CD46: variants seen among roughly 807,000 people sequenced by gnomAD.
The protein encoded by CD46 is CD46 molecule.
In CD46, 30 loss-of-function variants were observed where a neutral mutation model predicts 53.3. The observed-to-expected ratio is 0.56, with a 90% CI of 0.42 to 0.76. CD46 has a LOEUF of 0.76. Among genes scored for constraint, CD46 ranks in the 30% least tolerant of loss-of-function variants. The pLI is 0.00. For synonymous variants in CD46, 142 were observed against 152.0 expected, an observed-to-expected ratio of 0.93 and a Z score of 0.48; for missense variants, 409 against 463.0, an observed-to-expected ratio of 0.88 and a Z score of 1.07.
intron 3 of CD46, 21 bp downstream of exon 3, chr1:207,757,663 A>G (rs1655716784): frequency 1.4e-6 from 2 of 1,402,858 alleles, no homozygotes; most frequent in Admixed American, 1.7e-5. Flanking sequence ...CCTTAGAGGA[A>G]ATAAGGGAAG....
chr1:207,767,320 A>C, intron 6 of CD46, 125 bp downstream of exon 6: 1 of 865,424 alleles, frequency 1.2e-6, no homozygotes, highest in Non-Finnish European at 1.9e-6. Context: ...TTTAGTATTT[A>C]ACTCTGTCTT....
chr1:207,759,218 G>A (rs545642521), intron 3 of CD46, among the ~76,000 whole-genome samples: 4 of 152,284 alleles, frequency 2.6e-5, no homozygotes, highest in South Asian at 2.1e-4. Context: ...AACTTTAAGT[G>A]ACTTACCCAA....
At chr1:207,763,983 C>G (rs1443883623) in intron 5 of CD46, among the ~76,000 whole-genome samples, 34 of 139,854 alleles carry the variant, frequency 2.4e-4, no homozygotes, top group African/African-American at 8.3e-4. Context: ...GTCATTGGAA[C>G]ATTTGTGCCA....
chr1:207,785,736 CT>C, intron 11 of CD46, 54 bp downstream of exon 11: 1 of 1,114,260 alleles, frequency 9.0e-7, no homozygotes, highest in South Asian at 1.2e-5. Context: ...ACTTAACATG[CT>C]TTTGTGCAGC....
intron 7 of CD46, chr1:207,769,323 T>A (rs1657208880): frequency 6.6e-6 from 1 of 152,170 alleles, no homozygotes; most frequent in Non-Finnish European, 1.5e-5. Context: ...AGTTGAGTGC[T>A]GTAGGGTTTG....
chr1:207,774,939 A>G (rs771406889), intron 8 of CD46, among the ~76,000 whole-genome samples: 11 of 152,090 alleles, frequency 7.2e-5, no homozygotes, highest in Non-Finnish European at 1.5e-4. Context: ...CTGTCTTGCT[A>G]GTTTAGGGAA....
At chr1:207,768,723 C>G (rs1465339016) in intron 7 of CD46, 2 of 152,104 alleles carry the variant, frequency 1.3e-5, no homozygotes, top group Non-Finnish European at 2.9e-5. Context: ...TCAGCACTAC[C>G]ATCTCTGGTT....
At chr1:207,776,811 T>G (rs1234951877) in intron 8 of CD46, among the ~76,000 whole-genome samples, 1 of 152,146 alleles carries the variant, frequency 6.6e-6, no homozygotes, top group Non-Finnish European at 1.5e-5. Context: ...TGTGTGTGAA[T>G]TTTTTGTAGA....
chr1:207,784,751 G>T (rs1322714279), intron 9 of CD46, among the ~76,000 whole-genome samples: 1 of 152,216 alleles, frequency 6.6e-6, no homozygotes, highest in African/African-American at 2.4e-5. Context: ...GGAGGAAGGG[G>T]AAGCAAACAC....
chr1:207,756,015 A>T (rs987849337), intron 1 of CD46, among the ~76,000 whole-genome samples: 3 of 152,148 alleles, frequency 2.0e-5, no homozygotes, highest in Non-Finnish European at 4.4e-5. Flanking sequence ...GTTACCTGAG[A>T]GATCCATGCA....
In CD46 at chr1:207,777,161, T is replaced by A. The variant is rs547772828; in HGVS notation, c.944-6131T>A. ...GTTATACTACTGGATATAGATTACT[T>A]TTTATAACTTTTAATTACATGAGTA... On this transcript the variant is annotated intron_variant, in intron 8 of 12. Coordinates refer to ENST00000367042, the MANE Select transcript of CD46 (RefSeq NM_172351.3). 7.3e-4 allele frequency among the ~76,000 whole-genome samples: 111 copies of A among 152,274 alleles called. 3 individuals carry two copies. In the South Asian group the frequency reaches 0.021, roughly 29 times the overall value.
intron 12 of CD46, among the ~76,000 whole-genome samples, chr1:207,791,009 G>A (rs1446424166): frequency 6.6e-6 from 1 of 152,180 alleles, no homozygotes; most frequent in Non-Finnish European, 1.5e-5. Flanking sequence ...ATAATGTGAG[G>A]CCCTAACCTA....
rs1660005947 is a variant in CD46, at chr1:207,793,625, T to C, written c.*148T>C. The C allele has an allele frequency of 6.5e-7, 1 of 1,542,048 alleles. No homozygotes were observed. The highest frequency in any genetic ancestry group is 1.4e-5 in the African/African-American group (1 of 73,638). ...CACAACCTGGTTTGCCAGTTCATCTTTTGACTCTATTAAAATCTTCAATAG... is the reference window on the plus strand; with the variant it reads ...CACAACCTGGTTTGCCAGTTCATCTCTTGACTCTATTAAAATCTTCAATAG... On this transcript the variant is annotated 3_prime_UTR_variant, in exon 13 of 13. Coordinates refer to ENST00000367042, the MANE Select transcript of CD46 (RefSeq NM_172351.3).
intron 5 of CD46, among the ~76,000 whole-genome samples, chr1:207,763,768 G>A (rs868219189): frequency 4.6e-5 from 7 of 150,692 alleles, no homozygotes; most frequent in Middle Eastern, 6.8e-3. Flanking sequence ...ATTCTTTTAA[G>A]GTTCAAATAA....
chr1:207,785,827 C>T (rs554604537), intron 11 of CD46, 145 bp downstream of exon 11: 92 of 639,396 alleles, frequency 1.4e-4, no homozygotes, highest in Non-Finnish European at 2.3e-4. Context: ...CTACCAATTG[C>T]ATTTCTTTGC....
In CD46 at chr1:207,784,941, A is replaced by T. The variant is rs1659137848; in HGVS notation, c.983-130A>T. On this transcript the variant is annotated intron_variant, in intron 9 of 12. Coordinates refer to ENST00000367042, the MANE Select transcript of CD46 (RefSeq NM_172351.3). ...TCCCACAACACGTGGGGATTATGGGAATTGCGATTCAAGATGAGATTTGGG... is the reference window on the plus strand; with the variant it reads ...TCCCACAACACGTGGGGATTATGGGTATTGCGATTCAAGATGAGATTTGGG... The T allele has an allele frequency of 9.3e-6, 7 of 756,252 alleles. No homozygotes were observed. In the Admixed American group the frequency reaches 1.4e-4, roughly 15 times the overall value. The allele number at this position is 756,252 out of a possible 1,614,324, so 46.8% of individuals were successfully genotyped here.
chr1:207,761,981 C>G (rs1190335556), intron 5 of CD46, among the ~76,000 whole-genome samples: 4 of 152,140 alleles, frequency 2.6e-5, no homozygotes, highest in Admixed American at 6.5e-5. Flanking sequence ...AAAGTATATA[C>G]TCCCCAAGTA....
chr1:207,793,908 A>AT lies in CD46; in HGVS notation c.*433dup, dbSNP rs1191067627. On this transcript the variant is annotated 3_prime_UTR_variant, in exon 13 of 13. Transcript: ENST00000367042. The stretch of plus-strand genomic sequence containing the variant: ...TTAGAGAAATATAGTTCACAATGAA[A>AT]TTATATTTTCTTTGTAAAGAAAGTG... 1 of 286,930 alleles carries AT rather than the reference A, an allele frequency of 3.5e-6. No individual in the cohort carries two copies. Among genetic ancestry groups the AT allele is most frequent in the African/African-American group, 2.2e-5 (1 of 46,260 alleles). 17.8% of individuals were successfully genotyped at this position (286,930 alleles called of 1,614,324 possible). A position where few individuals can be genotyped will look rare whatever the true frequency, so the allele number is the denominator to read the frequency against.
At chr1:207,772,065 T>C (rs1166374921) in intron 8 of CD46, among the ~76,000 whole-genome samples, 1 of 152,226 alleles carries the variant, frequency 6.6e-6, no homozygotes, top group Non-Finnish European at 1.5e-5. Context: ...TGTACTCTTT[T>C]ATTTCGTTGA....
Sources: gnomAD v4.1 joint callset for allele counts (sites outside exome capture counted in the v4.1 genomes callset) on GRCh38, gnomAD v4.1.1 for gene constraint, MANE v1.5 for transcripts, NCBI Gene and HGNC (gene_info 2026-07-23, HGNC 2026-07-21) for gene names.